The following PICALM variants were observed in gnomAD, a reference collection of about 807,000 sequenced individuals.
The protein encoded by PICALM is phosphatidylinositol binding clathrin assembly protein, also known as phosphatidylinositol-binding clathrin assembly protein.
Under a neutral mutation model 80.5 loss-of-function variants are expected in PICALM, and 40 were observed. That is an observed-to-expected ratio of 0.50 (90% confidence interval 0.39 to 0.65). The LOEUF is 0.65. Ranked by LOEUF, PICALM falls within the 30% of genes least tolerant of loss-of-function variation. The pLI, the probability that PICALM is intolerant of heterozygous loss-of-function variation, is 0.00. For synonymous variants in PICALM, 288 were observed against 260.3 expected (o/e 1.11, Z -1.02); for missense variants, 676 against 778.9 (o/e 0.87, Z 1.57).
chr11:85,990,661 AT>A (rs1422149892), intron 12 of PICALM, among the ~76,000 whole-genome samples: 1 of 152,226 alleles, frequency 6.6e-6, no homozygotes, highest in Non-Finnish European at 1.5e-5. Context: ...AAAAAATGGA[AT>A]AATAACCAAG....
chr11:85,996,783 A>T, intron 12 of PICALM, 43 bp downstream of exon 12: 1 of 1,059,140 alleles, frequency 9.4e-7, no homozygotes, highest in Non-Finnish European at 1.5e-6. Flanking sequence ...AATGAGGAGG[A>T]GAGATGCATG....
intron 13 of PICALM, among the ~76,000 whole-genome samples, chr11:85,986,151 A>G (rs2094564317): frequency 6.6e-6 from 1 of 152,132 alleles, no homozygotes; most frequent in Admixed American, 6.5e-5. Flanking sequence ...AAAGAAATTA[A>G]TAAATTGCAA....
At chr11:86,008,952 C>CAAAAAAAAAAAAAAAAAAAAAAAAAGAA (rs59740555) in intron 7 of PICALM, among the ~76,000 whole-genome samples, 1 of 62,840 alleles carries the variant, frequency 1.6e-5, no homozygotes, top group Non-Finnish European at 3.1e-5. Flanking sequence ...AAAAAAAAGC[C>CAAAAAAAAAAAAAAAAAAAAAAAAAGAA]AAAAAAAAAA....
In PICALM at chr11:86,050,204, CAA is replaced by C. The variant is rs766728047; in HGVS notation, c.130+18445_130+18446del. 4.5e-3 allele frequency among the ~76,000 whole-genome samples: 367 copies of C among 81,778 alleles called. 1 individual carries two copies. Among genetic ancestry groups the C allele is most frequent in the African/African-American group, 0.017 (329 of 18,840 alleles). 53.6% of individuals were successfully genotyped at this position (81,778 alleles called of 152,430 possible). A position where few individuals can be genotyped will look rare whatever the true frequency, so the allele number is the denominator to read the frequency against. On this transcript the variant is annotated intron_variant, in intron 1 of 19. Coordinates refer to ENST00000393346, the MANE Select transcript of PICALM (RefSeq NM_007166.4). Reference sequence around the variant, plus strand: ...TGGGCAACAGAGCAAGACTCTGTCTCAAAAAAAAAAAAAAAAAAAAACTATAT... The same window carrying C: ...TGGGCAACAGAGCAAGACTCTGTCTCAAAAAAAAAAAAAAAAAAACTATAT...
rs549932711 is a variant in PICALM, at chr11:85,991,463, T to G, written c.1259-1064A>C. On this transcript the variant is annotated intron_variant, in intron 12 of 19. Coordinates refer to ENST00000393346, the MANE Select transcript of PICALM (RefSeq NM_007166.4). ...GTGGCCTAAGGACCAGCTCATTTAC[T>G]ATGATATAGGCACACTTCCTTTAAA... Among the ~76,000 whole-genome samples the G allele has an allele frequency of 2.6e-5, 4 of 152,178 alleles. No individual in the cohort carries two copies. In the East Asian group the frequency reaches 7.7e-4, roughly 29 times the overall value.
intron 4 of PICALM, among the ~76,000 whole-genome samples, chr11:86,019,039 T>C (rs1034176580): frequency 4.6e-5 from 7 of 152,220 alleles, no homozygotes; most frequent in African/African-American, 1.7e-4. Flanking sequence ...TATTTCTATT[T>C]ACTCGCACAG....
intron 19 of PICALM, among the ~76,000 whole-genome samples, chr11:85,964,301 T>C (rs533776459): frequency 3.9e-5 from 6 of 152,332 alleles, no homozygotes; most frequent in Admixed American, 2.6e-4. Flanking sequence ...CCCAAAAGAC[T>C]GGGTAGAAAC....
intron 5 of PICALM, among the ~76,000 whole-genome samples, chr11:86,014,128 T>TAC (rs1331907055): frequency 1.3e-5 from 2 of 152,216 alleles, no homozygotes; most frequent in African/African-American, 4.8e-5. Flanking sequence ...GCAATGGGGG[T>TAC]ACAACAGAGA....
intron 7 of PICALM, among the ~76,000 whole-genome samples, chr11:86,009,642 A>G (rs970016353): frequency 6.6e-6 from 1 of 152,232 alleles, no homozygotes; most frequent in African/African-American, 2.4e-5. Flanking sequence ...CAGTGAGCCA[A>G]GATTGCGCCA....
At position 86,022,267 on chromosome 11, in the gene PICALM, TA is replaced by T; in HGVS notation, c.452+99del. ...TCAAAGAAAAATGAGGCTCATCTTTTAAAACTGGCTAAAATTTCATAATTCA... is the reference window on the plus strand; with the variant it reads ...TCAAAGAAAAATGAGGCTCATCTTTTAAACTGGCTAAAATTTCATAATTCA... On this transcript the variant is annotated intron_variant, in intron 4 of 19. Transcript: ENST00000393346. The T allele has an allele frequency of 4.4e-6, 3 of 684,578 alleles. No homozygotes were observed. In the East Asian group the frequency reaches 8.7e-5, roughly 20 times the overall value. 42.4% of individuals were successfully genotyped at this position (684,578 alleles called of 1,614,324 possible).
chr11:86,059,412 A>G (rs2096320910), intron 1 of PICALM, among the ~76,000 whole-genome samples: 1 of 152,230 alleles, frequency 6.6e-6, no homozygotes, highest in Non-Finnish European at 1.5e-5. Flanking sequence ...TGGTGAGAAT[A>G]ATGCTGGACT....
chr11:86,054,395 G>A (rs554209826), intron 1 of PICALM, among the ~76,000 whole-genome samples: 88 of 152,232 alleles, frequency 5.8e-4, no homozygotes, highest in Admixed American at 1.2e-3. Flanking sequence ...ACGGAGGATG[G>A]CACTGAAGAG....
At chr11:86,036,057 T>C (rs1322180304) in intron 1 of PICALM, among the ~76,000 whole-genome samples, 3 of 152,176 alleles carry the variant, frequency 2.0e-5, no homozygotes, top group African/African-American at 7.2e-5. Flanking sequence ...CAAATCTTTG[T>C]AATTTTTCCT....
chr11:86,001,230 T>C, intron 9 of PICALM, 72 bp from the exon 10 acceptor site: 2 of 1,456,432 alleles, frequency 1.4e-6, no homozygotes, highest in Non-Finnish European at 1.9e-6. Context: ...CATGAAATGG[T>C]CTGGCAACCT....
At chr11:86,030,423 T>C (rs919959671) in intron 2 of PICALM, among the ~76,000 whole-genome samples, 1 of 152,218 alleles carries the variant, frequency 6.6e-6, no homozygotes, top group Admixed American at 6.5e-5. Context: ...AGAAAACTAA[T>C]ACCAATGACT....
At chr11:85,972,062 C>T (rs141670288) in intron 19 of PICALM, among the ~76,000 whole-genome samples, 5,454 of 152,004 alleles carry the variant, frequency 0.036, 138 homozygotes, top group African/African-American at 0.07. Context: ...GGACTACAGG[C>T]GTGAGCCACC....
intron 14 of PICALM, 29 bp downstream of exon 14, chr11:85,983,837 A>C: frequency 1.1e-6 from 1 of 891,324 alleles, no homozygotes. Context: ...GGACATTATA[A>C]TATTTTTAAT....
chr11:86,008,537 T>C (rs80056942), intron 7 of PICALM, among the ~76,000 whole-genome samples: 1 of 151,872 alleles, frequency 6.6e-6, no homozygotes, highest in African/African-American at 2.4e-5. Flanking sequence ...GGAGAATCGT[T>C]TGAACCCGGG....
At chr11:86,009,659 T>G (rs928691200) in intron 7 of PICALM, among the ~76,000 whole-genome samples, 1 of 152,188 alleles carries the variant, frequency 6.6e-6, no homozygotes, top group African/African-American at 2.4e-5. Context: ...GCCATTGCAC[T>G]CCAGCCTAGG....
Sources: allele counts gnomAD v4.1 joint callset (sites outside exome capture counted in the v4.1 genomes callset), GRCh38; gene constraint gnomAD v4.1.1; transcripts MANE v1.5; gene names NCBI Gene and HGNC (gene_info 2026-07-23, HGNC 2026-07-21).